The following IL6ST variants were observed in gnomAD, a reference collection of about 807,000 sequenced individuals.
The protein encoded by IL6ST is interleukin 6 cytokine family signal transducer, also known as interleukin-6 receptor subunit beta.
A neutral mutation model predicts 91.3 loss-of-function variants in IL6ST; 24 were observed. The ratio of observed to expected loss-of-function variants is 0.26; its 90% CI spans 0.19 to 0.37. The LOEUF (loss-of-function observed/expected upper bound fraction) is 0.37. Among genes scored for constraint, IL6ST ranks in the 10% least tolerant of loss-of-function variants. The pLI is 1.00. For missense variants in IL6ST, 914 were observed against 1,078.5 expected (o/e 0.85, Z 2.14); for synonymous variants, 351 against 373.6 (o/e 0.94, Z 0.70).
chr5:55,981,484 A>T (rs1401587917), intron 2 of IL6ST, among the ~76,000 whole-genome samples: 2 of 152,112 alleles, frequency 1.3e-5, no homozygotes, highest in Non-Finnish European at 2.9e-5. Context: ...CTCTAATAAA[A>T]ATACAAAAAT....
At chr5:55,963,554 T>C (rs1752462073) in intron 6 of IL6ST, 48 bp from the exon 7 acceptor site, 2 of 1,345,616 alleles carry the variant, frequency 1.5e-6, no homozygotes, top group East Asian at 2.3e-5. Flanking sequence ...TCCAATTTCA[T>C]ATACAAACTC....
rs1438800801 is a variant in IL6ST at position 55,988,752 on chromosome 5, G to A, written c.-103-5941C>T. ...CTGCACTCCAGCCCAGGCAACAAGA[G>A]CAAAACTCCATCTCCAAAAAAAAAA... is the stretch of plus-strand genomic sequence containing the variant. On this transcript the variant is annotated intron_variant, in intron 1 of 16. Transcript: ENST00000381298. Among the ~76,000 whole-genome samples, 10 of 130,238 alleles carry A rather than the reference G, an allele frequency of 7.7e-5. No homozygotes were observed. The Admixed American group carries it at 8.0e-4, about 10-fold the overall frequency. The allele number at this position is 130,238 out of a possible 152,430, so 85.4% of individuals were successfully genotyped here.
rs3039924 is a variant in IL6ST, at chr5:55,974,956, TACACACAC to T, written c.64+1251_64+1258del. Among the ~76,000 whole-genome samples, 148 of 114,622 alleles carry T rather than the reference TACACACAC, an allele frequency of 1.3e-3. 1 individual carries two copies. Among genetic ancestry groups the T allele is most frequent in the African/African-American group, 3.6e-3 (132 of 36,908 alleles). 75.2% of individuals were successfully genotyped at this position (114,622 alleles called of 152,430 possible). On this transcript the variant is annotated intron_variant, in intron 3 of 16. Transcript: ENST00000381298. ...ATTCATACACACACACACACACACA[TACACACAC>T]ACACACACACACACACACGTACACA...
At chr5:55,990,972 G>A (rs1580877290) in intron 1 of IL6ST, among the ~76,000 whole-genome samples, 1 of 145,632 alleles carries the variant, frequency 6.9e-6, no homozygotes, top group African/African-American at 2.5e-5. Flanking sequence ...TCTCACCTAT[G>A]AGTGAGAACA....
chr5:55,968,187 T>C lies in IL6ST; in HGVS notation c.491+89A>G, dbSNP rs1022072816. On this transcript the variant is annotated intron_variant, in intron 5 of 16. Coordinates refer to ENST00000381298, the MANE Select transcript of IL6ST (RefSeq NM_002184.4). ...AAAAATTAAATGTTTTAAAATAGCA[T>C]TTAATATTATTACTTGGTAAAATAA... The C allele has an allele frequency of 9.9e-6, 11 of 1,115,894 alleles. No individual in the cohort carries two copies. The African/African-American group carries it at 1.7e-4, about 17-fold the overall frequency. 69.1% of individuals were successfully genotyped at this position (1,115,894 alleles called of 1,614,324 possible).
chr5:55,976,104 A>G (rs1753272569), intron 3 of IL6ST, 111 bp downstream of exon 3: 1 of 460,910 alleles, frequency 2.2e-6, no homozygotes, highest in Non-Finnish European at 3.8e-6. Context: ...CGATTATCCT[A>G]GAAAGAATAT....
intron 4 of IL6ST, among the ~76,000 whole-genome samples, chr5:55,969,141 G>A (rs1464450406): frequency 6.7e-6 from 1 of 149,726 alleles, no homozygotes; most frequent in Non-Finnish European, 1.5e-5. Context: ...GAGCTGAGAT[G>A]ATGCCACTGC....
intron 8 of IL6ST, among the ~76,000 whole-genome samples, chr5:55,958,257 C>T (rs1752104508): frequency 1.3e-5 from 2 of 152,000 alleles, no homozygotes; most frequent in Admixed American, 6.6e-5. Flanking sequence ...GCCACCATAC[C>T]CAGCCAAAAC....
chr5:55,942,428 A>T (rs1017858371), intron 16 of IL6ST, among the ~76,000 whole-genome samples: 2 of 152,218 alleles, frequency 1.3e-5, no homozygotes, highest in Non-Finnish European at 2.9e-5. Context: ...TAAACAATTT[A>T]AAATATCAGA....
At chr5:55,965,899 A>G (rs1752604163) in intron 5 of IL6ST, among the ~76,000 whole-genome samples, 1 of 152,116 alleles carries the variant, frequency 6.6e-6, no homozygotes, top group African/African-American at 2.4e-5. Context: ...ATGAGTTAAA[A>G]CATATCAAAT....
chr5:55,978,108 T>A (rs1753422209), intron 2 of IL6ST: 1 of 152,174 alleles, frequency 6.6e-6, no homozygotes, highest in South Asian at 2.1e-4. Flanking sequence ...CCTACCACAG[T>A]GTCATGGATA....
At chr5:55,950,045 A>C (rs1751526017) in intron 14 of IL6ST, 2 of 274,532 alleles carry the variant, frequency 7.3e-6, no homozygotes, top group Middle Eastern at 1.9e-3. Flanking sequence ...GCAGTTGAAG[A>C]AAATGATGAT....
At chr5:55,956,975 T>C (rs770352698) in intron 9 of IL6ST, among the ~76,000 whole-genome samples, 12 of 152,032 alleles carry the variant, frequency 7.9e-5, no homozygotes, top group Non-Finnish European at 1.6e-4. Context: ...CTGGCCACCG[T>C]GGTGAAACCC....
chr5:55,964,353 T>C (rs1173776137), intron 5 of IL6ST, 41 bp from the exon 6 acceptor site: 2 of 1,456,552 alleles, frequency 1.4e-6, no homozygotes, highest in Non-Finnish European at 1.9e-6. Context: ...TAAAAACACA[T>C]CTGAAAAAAT....
intron 1 of IL6ST, among the ~76,000 whole-genome samples, chr5:55,990,560 A>T (rs1241511441): frequency 6.6e-6 from 1 of 152,214 alleles, no homozygotes; most frequent in Non-Finnish European, 1.5e-5. Context: ...CTTTGAAGAC[A>T]TGACTTCAAC....
chr5:55,971,750 C>G (rs1351926283), intron 3 of IL6ST, among the ~76,000 whole-genome samples: 1 of 152,068 alleles, frequency 6.6e-6, no homozygotes, highest in African/African-American at 2.4e-5. Context: ...AGGAGGATTG[C>G]TTGAGCCCAA....
chr5:55,945,563 G>T lies in IL6ST; in HGVS notation c.1937+1930C>A, dbSNP rs1751190044. 4.8e-5 allele frequency among the ~76,000 whole-genome samples: 7 copies of T among 146,006 alleles called. No individual in the cohort carries two copies. In the South Asian group the frequency reaches 1.5e-3, roughly 32 times the overall value. On this transcript the variant is annotated intron_variant, in intron 15 of 16. Coordinates refer to ENST00000381298, the MANE Select transcript of IL6ST (RefSeq NM_002184.4). ...GGAAGAAAACATGAGAAAATATTTT[G>T]ATACTGTGTTTGGCAGGACACAAAA... is the stretch of plus-strand genomic sequence containing the variant.
In IL6ST at chr5:55,957,299, A is replaced by C. The variant is rs371822093; in HGVS notation, c.974-8T>G. On this transcript the variant is annotated splice_polypyrimidine_tract_variant and splice_region_variant and intron_variant, in intron 8 of 16. Transcript: ENST00000381298. ...TTGGTGCTTTAGATGGTCCTAAAGA[A>C]AAGACATAAACTCCTTAAAATAAAA... 1.4e-4 allele frequency: 187 copies of C among 1,377,868 alleles called. No homozygotes were observed. Among genetic ancestry groups the C allele is most frequent in the Non-Finnish European group, 1.7e-4 (169 of 996,586 alleles). 85.4% of individuals were successfully genotyped at this position (1,377,868 alleles called of 1,614,324 possible).
At chr5:55,969,202 G>A (rs1752811830) in intron 4 of IL6ST, among the ~76,000 whole-genome samples, 1 of 151,812 alleles carries the variant, frequency 6.6e-6, no homozygotes, top group Non-Finnish European at 1.5e-5. Context: ...AAAAAAAAAG[G>A]ATTTACTCCA....
Sources: gnomAD v4.1 joint callset for allele counts (sites outside exome capture counted in the v4.1 genomes callset) on GRCh38, gnomAD v4.1.1 for gene constraint, MANE v1.5 for transcripts, NCBI Gene and HGNC (gene_info 2026-07-23, HGNC 2026-07-21) for gene names.